The following ARB2A variants were observed in gnomAD, a reference collection of about 807,000 sequenced individuals.
ARB2A encodes the protein ARB2 cotranscriptional regulator A.
the ARB2A span, among the ~76,000 whole-genome samples, chr5:93,797,189 C>G: frequency 6.6e-6 from 1 of 152,100 alleles, no homozygotes; most frequent in Admixed American, 6.6e-5. Flanking sequence ...AGCTCTGATG[C>G]ATGAGAGCAC....
chr5:94,078,227 G>C, the ARB2A span, among the ~76,000 whole-genome samples: 1 of 152,114 alleles, frequency 6.6e-6, no homozygotes, highest in Admixed American at 6.5e-5. Context: ...CACAGAACAC[G>C]TAAAATTGGG....
chr5:94,040,796 TG>T, the ARB2A span, among the ~76,000 whole-genome samples: 2 of 152,136 alleles, frequency 1.3e-5, no homozygotes, highest in Admixed American at 6.5e-5. Flanking sequence ...TTGAAACTCC[TG>T]GTGGGAGGTT....
the ARB2A span, among the ~76,000 whole-genome samples, chr5:93,636,870 T>C: frequency 6.6e-6 from 1 of 152,234 alleles, no homozygotes; most frequent in East Asian, 1.9e-4. Flanking sequence ...ATTACACTTT[T>C]TGAGACAGTG....
chr5:93,871,922 AAGGG>A, the ARB2A span, among the ~76,000 whole-genome samples: 1 of 151,786 alleles, frequency 6.6e-6, no homozygotes, highest in Non-Finnish European at 1.5e-5. Context: ...GGAAAGGAGG[AAGGG>A]AGGGATGAGA....
chr5:93,740,931 C>T, the ARB2A span: 3 of 1,613,900 alleles, frequency 1.9e-6, no homozygotes, highest in Non-Finnish European at 2.5e-6. Flanking sequence ...CCCGTCTCCA[C>T]TTCCCAGACT....
the ARB2A span, among the ~76,000 whole-genome samples, chr5:93,908,981 C>T: frequency 1.3e-5 from 2 of 151,004 alleles, no homozygotes; most frequent in Admixed American, 6.6e-5. Flanking sequence ...AGACGTCTTA[C>T]ATTTCAAACT....
the ARB2A span, among the ~76,000 whole-genome samples, chr5:93,816,979 T>C: frequency 7.9e-5 from 12 of 151,842 alleles, no homozygotes; most frequent in Non-Finnish European, 1.2e-4. Flanking sequence ...CAAAAATATA[T>C]AAATTAATTA....
the ARB2A span, among the ~76,000 whole-genome samples, chr5:93,996,249 A>G: frequency 6.6e-6 from 1 of 152,144 alleles, no homozygotes; most frequent in African/African-American, 2.4e-5. Context: ...GTATACATCC[A>G]TATATACACT....
At chr5:93,865,379 C>T in the ARB2A span, 2 of 985,266 alleles carry the variant, frequency 2.0e-6, no homozygotes, top group Non-Finnish European at 2.4e-6. Flanking sequence ...CGCGCCCAGC[C>T]GATCCTGGAT....
the ARB2A span, chr5:93,620,671 C>T: frequency 8.7e-6 from 2 of 231,016 alleles, no homozygotes; most frequent in East Asian, 8.5e-5. Context: ...CCGCAGCGCC[C>T]GCGCGGTCTC....
the ARB2A span, among the ~76,000 whole-genome samples, chr5:93,626,008 A>C: frequency 1.3e-5 from 2 of 152,200 alleles, no homozygotes; most frequent in African/African-American, 4.8e-5. Flanking sequence ...AGTGTTTAGA[A>C]GTATTTTTGC....
chr5:93,826,200 A>C, the ARB2A span, among the ~76,000 whole-genome samples: 1 of 152,216 alleles, frequency 6.6e-6, no homozygotes, highest in Non-Finnish European at 1.5e-5. Context: ...TCAAAAAGCA[A>C]ACTGTGAAGA....
the ARB2A span, among the ~76,000 whole-genome samples, chr5:93,852,019 G>A: frequency 6.6e-6 from 1 of 152,158 alleles, no homozygotes; most frequent in African/African-American, 2.4e-5. Flanking sequence ...GATCCCTGAG[G>A]AATCGCCACA....
At chr5:93,818,260 G>A in the ARB2A span, among the ~76,000 whole-genome samples, 13 of 152,152 alleles carry the variant, frequency 8.5e-5, no homozygotes, top group Admixed American at 7.9e-4. Flanking sequence ...TAAGTATGGG[G>A]AGAAATGGGT....
At chr5:93,964,374 A>G in the ARB2A span, 1 of 1,050,972 alleles carries the variant, frequency 9.5e-7, no homozygotes, top group Non-Finnish European at 1.4e-6. Context: ...ACCCAAAACA[A>G]AAGTTTTCTT....
At chr5:94,084,274 CAAAAAA>C in the ARB2A span, among the ~76,000 whole-genome samples, 1 of 73,120 alleles carries the variant, frequency 1.4e-5, no homozygotes, top group Non-Finnish European at 2.8e-5. Flanking sequence ...AACTTCATCT[CAAAAAA>C]AAAAAAAAAA....
At chr5:93,963,502 G>A in the ARB2A span, among the ~76,000 whole-genome samples, 21 of 151,852 alleles carry the variant, frequency 1.4e-4, no homozygotes, top group Admixed American at 1.3e-3. Flanking sequence ...GGTTACTTAC[G>A]GAAAATCAAA....
the ARB2A span, among the ~76,000 whole-genome samples, chr5:93,961,399 A>G: frequency 6.6e-6 from 1 of 152,220 alleles, no homozygotes; most frequent in Non-Finnish European, 1.5e-5. Context: ...CTTAGAACTG[A>G]AAGAAACTTA....
At chr5:93,711,457 T>G in the ARB2A span, among the ~76,000 whole-genome samples, 1 of 152,332 alleles carries the variant, frequency 6.6e-6, no homozygotes, top group Admixed American at 6.5e-5. Context: ...TTTTCTGTTT[T>G]ATTTTATTTG....
Sources: allele counts gnomAD v4.1 joint callset (sites outside exome capture counted in the v4.1 genomes callset), GRCh38; gene constraint gnomAD v4.1.1; transcripts MANE v1.5; gene names NCBI Gene and HGNC (gene_info 2026-07-23, HGNC 2026-07-21).